NBPF20: variants seen among roughly 807,000 people sequenced by gnomAD.
NBPF20 encodes the protein NBPF family member NBPF20.
A neutral mutation model predicts 68.1 loss-of-function variants in NBPF20; 90 were observed. The observed-to-expected ratio is 1.32, with a 90% CI of 1.11 to 1.58. The LOEUF is 1.58. Ranked by LOEUF, NBPF20 falls within the 40% of genes most tolerant of loss-of-function variation. NBPF20 has a pLI of 0.00. For synonymous variants in NBPF20, 290 were observed against 228.1 expected (o/e 1.27, Z -2.45); for missense variants, 816 against 601.2 (o/e 1.36, Z -3.74).
At chr1:145,410,787 CAT>C in the NBPF20 span, among the ~76,000 whole-genome samples, 6 of 115,008 alleles carry the variant, frequency 5.2e-5, no homozygotes, top group Admixed American at 1.9e-4. Context: ...TATACACACA[CAT>C]ATATATACGT....
At chr1:145,291,399 A>T in exon 138 of NBPF20, 1 of 1,591,910 alleles carries the variant, frequency 6.3e-7, no homozygotes, top group Non-Finnish European at 8.5e-7. Flanking sequence ...GAGAATAGGA[A>T]TACAGCCATG....
upstream of NBPF20, among the ~76,000 whole-genome samples, chr1:145,407,462 CG>C: frequency 7.0e-6 from 1 of 142,848 alleles, no homozygotes; most frequent in Non-Finnish European, 1.5e-5. Flanking sequence ...CGTGTATACA[CG>C]TATATATAAT....
intron 9 of NBPF20, among the ~76,000 whole-genome samples, chr1:145,393,455 ACAAACACACACAC>A (rs1662026285): frequency 8.2e-6 from 1 of 121,284 alleles, no homozygotes; most frequent in Non-Finnish European, 1.8e-5. Context: ...ACACACACAC[ACAAACACACACAC>A]ACACACACAC....
At chr1:145,409,307 G>A (rs1357373779), upstream of NBPF20, among the ~76,000 whole-genome samples, 9 of 149,280 alleles carry the variant, frequency 6.0e-5, no homozygotes, top group South Asian at 2.1e-4. Context: ...CTATCATTCC[G>A]CGTTTGGGCT....
At chr1:145,309,504 A>T (rs1292870276) in intron 115 of NBPF20, among the ~76,000 whole-genome samples, 3 of 77,602 alleles carry the variant, frequency 3.9e-5, no homozygotes, top group Non-Finnish European at 7.5e-5. Flanking sequence ...ACACAGAGAG[A>T]GAGAACGAGC....
intron 136 of NBPF20, 79 bp from the exon 142 acceptor site, chr1:145,292,568 A>G (rs587645462): frequency 2.4e-5 from 18 of 735,606 alleles, no homozygotes; most frequent in East Asian, 9.9e-5. Flanking sequence ...TAATCCTCAC[A>G]CAGGGACCTC....
chr1:145,423,722 C>T, the NBPF20 span, among the ~76,000 whole-genome samples: 1 of 150,636 alleles, frequency 6.6e-6, no homozygotes. Flanking sequence ...CACACTGATA[C>T]ATTACTGCAC....
intron 136 of NBPF20, 104 bp from the exon 142 acceptor site, chr1:145,292,593 A>C: frequency 2.7e-6 from 2 of 746,558 alleles, no homozygotes; most frequent in Admixed American, 1.9e-5. Context: ...TCCCCAGCAT[A>C]AGAATAGGAC....
chr1:145,404,496 C>A (rs1367857124), intron 2 of NBPF20, among the ~76,000 whole-genome samples: 11 of 152,120 alleles, frequency 7.2e-5, no homozygotes, highest in African/African-American at 1.7e-4. Context: ...TGACCTCGTG[C>A]TCTGCCCGCC....
At chr1:145,292,358 C>A (rs782548720) in intron 137 of NBPF20, 23 bp downstream of exon 142, 1 of 654,008 alleles carries the variant, frequency 1.5e-6, no homozygotes, top group Non-Finnish European at 2.7e-6. Context: ...CAGAATTAAG[C>A]ATCCACAATT....
chr1:145,395,107 G>T (rs2101543339), exon 8 of NBPF20: 1 of 1,602,876 alleles, frequency 6.2e-7, no homozygotes, highest in Non-Finnish European at 8.5e-7. Context: ...CAGGACTCCT[G>T]GGGGACTTCC....
intron 7 of NBPF20, among the ~76,000 whole-genome samples, chr1:145,398,358 G>T (rs1237518621): frequency 6.6e-6 from 1 of 151,680 alleles, no homozygotes; most frequent in African/African-American, 2.4e-5. Context: ...AAATGTAAAA[G>T]AATGGAAATC....
chr1:145,411,187 C>T, the NBPF20 span, among the ~76,000 whole-genome samples: 3 of 144,508 alleles, frequency 2.1e-5, 1 homozygote, highest in Non-Finnish European at 4.5e-5. Context: ...TACCAAAATG[C>T]CGGTTGGAAT....
At chr1:145,403,755 G>C (rs1210531617) in intron 2 of NBPF20, among the ~76,000 whole-genome samples, 1 of 151,674 alleles carries the variant, frequency 6.6e-6, no homozygotes, top group Admixed American at 6.6e-5. Flanking sequence ...TCAAGGACAA[G>C]TATGTGAAAG....
chr1:145,393,677 C>A (rs1191633628), intron 9 of NBPF20: 33 of 1,389,922 alleles, frequency 2.4e-5, no homozygotes, highest in African/African-American at 1.2e-4. Flanking sequence ...TTATGGTCAA[C>A]TTTCACTAGG....
chr1:145,410,787 C>CAT, the NBPF20 span, among the ~76,000 whole-genome samples: 2,735 of 114,902 alleles, frequency 0.024, 123 homozygotes, highest in African/African-American at 0.088. Context: ...TATACACACA[C>CAT]ATATATATAC....
At chr1:145,311,018 G>T (rs1356165069) in intron 113 of NBPF20, among the ~76,000 whole-genome samples, 188 bp from the exon 119 acceptor site, 1 of 84,136 alleles carries the variant, frequency 1.2e-5, no homozygotes, top group Non-Finnish European at 2.2e-5. Flanking sequence ...GAAAGAGAAA[G>T]ACAGGGAGAG....
At chr1:145,292,123 A>C (rs1390443014) in intron 137 of NBPF20, among the ~76,000 whole-genome samples, 8 of 149,768 alleles carry the variant, frequency 5.3e-5, no homozygotes, top group Non-Finnish European at 1.0e-4. Context: ...GTTTTCCATA[A>C]AATATGCTCA....
At chr1:145,411,462 G>A in the NBPF20 span, among the ~76,000 whole-genome samples, 2 of 114,468 alleles carry the variant, frequency 1.7e-5, no homozygotes. Flanking sequence ...TGCGATCTCG[G>A]CTCACTGTAA....
Sources: gnomAD v4.1 joint callset for allele counts (sites outside exome capture counted in the v4.1 genomes callset) on GRCh38, gnomAD v4.1.1 for gene constraint, MANE v1.5 for transcripts, NCBI Gene and HGNC (gene_info 2026-07-23, HGNC 2026-07-21) for gene names.